The following UBE2E2 variants were observed in gnomAD, a reference collection of about 807,000 sequenced individuals.
UBE2E2 encodes the protein ubiquitin-conjugating enzyme E2 E2.
A neutral mutation model predicts 24.7 loss-of-function variants in UBE2E2; 6 were observed. That is an observed-to-expected ratio of 0.24 (90% CI 0.13 to 0.48). The LOEUF is 0.48. Among genes scored for constraint, UBE2E2 ranks in the 20% least tolerant of loss-of-function variants. The pLI, the probability that UBE2E2 is intolerant of heterozygous loss-of-function variation, is 0.99. For missense variants in UBE2E2, 169 were observed against 245.0 expected (o/e 0.69, Z 2.07); for synonymous variants, 104 against 83.6 (o/e 1.24, Z -1.33).
At chr3:23,382,447 G>T (rs1696698068) in intron 3 of UBE2E2, among the ~76,000 whole-genome samples, 1 of 152,090 alleles carries the variant, frequency 6.6e-6, no homozygotes, top group African/African-American at 2.4e-5. Context: ...CTCCGAAAGT[G>T]CTAGGATTAT....
At chr3:23,336,362 A>G (rs149367537) in intron 3 of UBE2E2, among the ~76,000 whole-genome samples, 170 of 152,336 alleles carry the variant, frequency 1.1e-3, no homozygotes, top group Non-Finnish European at 1.7e-3. Flanking sequence ...TGCAAGAGTA[A>G]AAGTCGTAAT....
chr3:23,558,578 A>C (rs376504571), intron 5 of UBE2E2, among the ~76,000 whole-genome samples: 5 of 152,258 alleles, frequency 3.3e-5, no homozygotes, highest in Admixed American at 3.3e-4. Flanking sequence ...GACTCTCTTC[A>C]TGGTTAATTT....
chr3:23,264,428 T>C (rs1014230563), intron 3 of UBE2E2, among the ~76,000 whole-genome samples: 6 of 151,738 alleles, frequency 4.0e-5, no homozygotes, highest in Non-Finnish European at 7.4e-5. Context: ...TAAAACCTAT[T>C]TCTTAGGAAT....
At chr3:23,262,763 A>C (rs1362694445) in intron 3 of UBE2E2, among the ~76,000 whole-genome samples, 2 of 151,830 alleles carry the variant, frequency 1.3e-5, no homozygotes, top group Non-Finnish European at 1.5e-5. Flanking sequence ...TTTTAGTTTT[A>C]TGTAGTTTTA....
intron 4 of UBE2E2, among the ~76,000 whole-genome samples, chr3:23,504,424 T>C (rs1694381785): frequency 6.6e-6 from 1 of 152,208 alleles, no homozygotes; most frequent in Admixed American, 6.5e-5. Flanking sequence ...TTTTATACTT[T>C]TATGATTTTC....
intron 3 of UBE2E2, among the ~76,000 whole-genome samples, chr3:23,220,668 C>A (rs551911656): frequency 6.6e-6 from 1 of 152,334 alleles, no homozygotes; most frequent in East Asian, 1.9e-4. Flanking sequence ...CATACTACTG[C>A]TGAGTTAGAG....
intron 3 of UBE2E2, among the ~76,000 whole-genome samples, chr3:23,300,934 A>G (rs1699063433): frequency 6.6e-6 from 1 of 152,080 alleles, no homozygotes; most frequent in South Asian, 2.1e-4. Context: ...TCAGACGTAG[A>G]TTTGGTCTTT....
intron 4 of UBE2E2, 82 bp downstream of exon 4, chr3:23,499,822 A>G (rs1199781437): frequency 1.4e-6 from 2 of 1,436,612 alleles, no homozygotes; most frequent in African/African-American, 1.4e-5. Context: ...TATGCATTCT[A>G]GGGATGCATG....
chr3:23,572,008 A>G (rs1273156595), intron 5 of UBE2E2, among the ~76,000 whole-genome samples: 3 of 152,308 alleles, frequency 2.0e-5, no homozygotes, highest in East Asian at 3.9e-4. Context: ...GGGAGATATT[A>G]ATGTCTCCTT....
intron 3 of UBE2E2, among the ~76,000 whole-genome samples, chr3:23,442,573 A>G (rs1330162175): frequency 1.3e-5 from 2 of 152,256 alleles, no homozygotes; most frequent in African/African-American, 4.8e-5. Context: ...AATGCCTTAC[A>G]TAAGGCACTG....
intron 3 of UBE2E2, among the ~76,000 whole-genome samples, chr3:23,293,177 A>G (rs1055792930): frequency 1.3e-5 from 2 of 152,240 alleles, no homozygotes; most frequent in African/African-American, 2.4e-5. Context: ...TGCTTCATCA[A>G]TATCATCCTA....
chr3:23,530,859 C>T (rs1695108454), intron 4 of UBE2E2, among the ~76,000 whole-genome samples: 1 of 152,114 alleles, frequency 6.6e-6, no homozygotes, highest in South Asian at 2.1e-4. Context: ...TCTTTTACTC[C>T]CTTCCCTCTT....
intron 3 of UBE2E2, among the ~76,000 whole-genome samples, chr3:23,363,458 C>G (rs1227947253): frequency 6.6e-6 from 1 of 152,102 alleles, no homozygotes; most frequent in East Asian, 1.9e-4. Flanking sequence ...AGAAAAATTG[C>G]CCAAGCAAAT....
At chr3:23,464,983 G>A (rs934537280) in intron 3 of UBE2E2, among the ~76,000 whole-genome samples, 8 of 152,128 alleles carry the variant, frequency 5.3e-5, no homozygotes, top group African/African-American at 1.9e-4. Context: ...AACATCCTTT[G>A]AAAAGCAAAG....
intron 4 of UBE2E2, among the ~76,000 whole-genome samples, chr3:23,511,952 CT>C (rs1694603501): frequency 6.6e-6 from 1 of 152,054 alleles, no homozygotes; most frequent in Non-Finnish European, 1.5e-5. Flanking sequence ...GACTAAATGA[CT>C]TTTTTTAAGC....
intron 5 of UBE2E2, among the ~76,000 whole-genome samples, chr3:23,575,743 G>A (rs935447809): frequency 1.3e-5 from 2 of 152,090 alleles, no homozygotes; most frequent in African/African-American, 2.4e-5. Context: ...GTATACAGTG[G>A]TCCAGGAATC....
intron 3 of UBE2E2, among the ~76,000 whole-genome samples, chr3:23,353,613 T>C (rs1301620317): frequency 6.6e-6 from 1 of 152,012 alleles, no homozygotes; most frequent in Non-Finnish European, 1.5e-5. Flanking sequence ...GAGAGCCAAA[T>C]CATGAGTGAA....
chr3:23,419,380 T>A (rs1697737951), intron 3 of UBE2E2, among the ~76,000 whole-genome samples: 1 of 152,200 alleles, frequency 6.6e-6, no homozygotes, highest in Non-Finnish European at 1.5e-5. Context: ...ACCCTCAATG[T>A]GTACTCTTTG....
At chr3:23,530,017 A>G (rs371612686) in intron 4 of UBE2E2, among the ~76,000 whole-genome samples, 14 of 152,324 alleles carry the variant, frequency 9.2e-5, no homozygotes, top group South Asian at 2.1e-4. Context: ...CAGCAATAAT[A>G]GTAACTGATT....
Sources: allele counts gnomAD v4.1 joint callset (sites outside exome capture counted in the v4.1 genomes callset), GRCh38; gene constraint gnomAD v4.1.1; transcripts MANE v1.5; gene names NCBI Gene and HGNC (gene_info 2026-07-23, HGNC 2026-07-21).